Variants in ZNF236 observed in about 807,000 individuals in gnomAD.
ZNF236 encodes regulated by glucose.
A neutral mutation model predicts 191.2 loss-of-function variants in ZNF236; 50 were observed. That is an observed-to-expected ratio of 0.26 (90% CI 0.21 to 0.33). The LOEUF is 0.33. ZNF236 is among the 10% of genes least tolerant of loss of function. The probability of loss-of-function intolerance (pLI) is 1.00; values close to 1 mark genes in which losing one functional copy is unlikely to be tolerated. For synonymous variants in ZNF236, 907 were observed against 928.8 expected (o/e 0.98, Z 0.43); for missense variants, 1,754 against 2,374.5 (o/e 0.74, Z 5.43).
rs1176620116 is a variant in ZNF236, at chr18:76,937,463, AT to A, written c.4782+128del. 39 of 942,488 alleles carry A rather than the reference AT, an allele frequency of 4.1e-5. 1 individual carries two copies. The highest frequency in any genetic ancestry group is 3.8e-4 in the South Asian group (13 of 34,158). 58.4% of individuals were successfully genotyped at this position (942,488 alleles called of 1,614,324 possible). A position where few individuals can be genotyped will look rare whatever the true frequency, so the allele number is the denominator to read the frequency against. ...CATTTTTTTTCCCCAAAATCGAAGCATTTTTTTTCTGATTAAAAAATACGGT... is the reference window on the plus strand; with the variant it reads ...CATTTTTTTTCCCCAAAATCGAAGCATTTTTTTCTGATTAAAAAATACGGT... On this transcript the variant is annotated intron_variant, in intron 26 of 30. Coordinates refer to ENST00000320610, the MANE Select transcript of ZNF236 (RefSeq NM_001306089.2).
chr18:76,908,268 A>G, intron 13 of ZNF236, 52 bp from the exon 14 acceptor site: 1 of 1,560,872 alleles, frequency 6.4e-7, no homozygotes, highest in Non-Finnish European at 8.7e-7. Flanking sequence ...ATCCCAGGCA[A>G]GTAACCTTTG....
In ZNF236 at chr18:76,960,988, G is replaced by A; in HGVS notation, c.5419+133G>A. On this transcript the variant is annotated intron_variant, in intron 30 of 30. Transcript: ENST00000320610. The surrounding 1 kb of genome is among the most constrained non-coding windows in gnomAD (Gnocchi z 4.4). ...TGGTACAGCCTCAGTTGTGTGGACT[G>A]GAAGCTTGTGCTTTATTTTATTTTT... 1.0e-6 allele frequency: 1 copy of A among 989,912 alleles called. No individual in the cohort carries two copies. The highest frequency in any genetic ancestry group is 1.6e-5 in the African/African-American group (1 of 61,110). The allele number at this position is 989,912 out of a possible 1,614,324, so 61.3% of individuals were successfully genotyped here.
chr18:76,966,212 T>A (rs1346434634), intron 30 of ZNF236, among the ~76,000 whole-genome samples: 1 of 152,192 alleles, frequency 6.6e-6, no homozygotes, highest in Non-Finnish European at 1.5e-5. Context: ...CTCTGTCCCT[T>A]TGAGTCGGAG....
chr18:76,873,393 C>A (rs889645033), intron 5 of ZNF236, among the ~76,000 whole-genome samples: 1 of 152,226 alleles, frequency 6.6e-6, no homozygotes, highest in Non-Finnish European at 1.5e-5. Flanking sequence ...TGATGCTACT[C>A]CTCCTGCATT....
chr18:76,861,870 T>C (rs190119083), intron 3 of ZNF236, among the ~76,000 whole-genome samples: 156 of 152,274 alleles, frequency 1.0e-3, no homozygotes, highest in Middle Eastern at 3.4e-3. Context: ...ATTTCTTTTT[T>C]CTTTTCTTTT....
At chr18:76,849,772 G>A in intron 2 of ZNF236, 104 bp downstream of exon 2, 1 of 1,061,720 alleles carries the variant, frequency 9.4e-7, no homozygotes, top group South Asian at 2.5e-5. Context: ...TTCCTAAATA[G>A]TAGAACATTT....
chr18:76,888,781 G>A (rs538886462), intron 9 of ZNF236: 1 of 152,394 alleles, frequency 6.6e-6, no homozygotes, highest in Non-Finnish European at 1.5e-5. Context: ...CGATCCCACA[G>A]AAGAACCCAC....
intron 1 of ZNF236, among the ~76,000 whole-genome samples, chr18:76,848,388 A>G (rs765096944): frequency 3.3e-5 from 5 of 152,230 alleles, no homozygotes; most frequent in Admixed American, 6.5e-5. Flanking sequence ...AGCAAAGTAT[A>G]TTACGTATTT....
intron 19 of ZNF236, among the ~76,000 whole-genome samples, chr18:76,918,111 GT>G (rs956864904): frequency 3.9e-5 from 6 of 152,064 alleles, no homozygotes; most frequent in Non-Finnish European, 8.8e-5. Flanking sequence ...TGAGTTGTAA[GT>G]TTTTTTCAGT....
At chr18:76,949,795 A>G (rs1366330895) in intron 27 of ZNF236, among the ~76,000 whole-genome samples, 2 of 151,872 alleles carry the variant, frequency 1.3e-5, no homozygotes, top group Non-Finnish European at 2.9e-5. Context: ...AGTAGCTGGA[A>G]TCACAGGTGT....
Position 76,880,863 on chromosome 18 carries a change from C to T in ZNF236, c.1189-421C>T, listed in dbSNP as rs1976873450. Among the ~76,000 whole-genome samples, 1 of 152,122 alleles carries T rather than the reference C, an allele frequency of 6.6e-6. No homozygotes were observed. The highest frequency in any genetic ancestry group is 2.4e-5 in the African/African-American group (1 of 41,438). On this transcript the variant is annotated intron_variant, in intron 8 of 30. Transcript: ENST00000320610. This position sits in a 1 kb window ranked among gnomAD's most constrained non-coding sequence, Gnocchi z 5.0. Reference sequence around the variant, plus strand: ...TTACTTGTTTAACCTTCCTCCTGTACCTTCATGGGGAAGAGCTGGCCAGGG... The same window carrying T: ...TTACTTGTTTAACCTTCCTCCTGTATCTTCATGGGGAAGAGCTGGCCAGGG...
intron 28 of ZNF236, among the ~76,000 whole-genome samples, chr18:76,959,224 G>A (rs1054815340): frequency 1.5e-4 from 23 of 152,176 alleles, no homozygotes; most frequent in South Asian, 2.1e-4. Context: ...CACTGAACGG[G>A]TCCCAGCTGG....
At chr18:76,939,332 CA>C (rs2122886114) in intron 26 of ZNF236, among the ~76,000 whole-genome samples, 1 of 152,166 alleles carries the variant, frequency 6.6e-6, no homozygotes, top group East Asian at 1.9e-4. Context: ...GAGTCCATCT[CA>C]AAAACAAAAA....
intron 1 of ZNF236, among the ~76,000 whole-genome samples, chr18:76,842,366 C>G (rs977404050): frequency 3.3e-5 from 5 of 151,594 alleles, no homozygotes; most frequent in African/African-American, 1.2e-4. Context: ...TACTTTTTTT[C>G]TGTGGTTTTA....
At chr18:76,945,358 A>G (rs1968233390) in intron 26 of ZNF236, among the ~76,000 whole-genome samples, 1 of 152,242 alleles carries the variant, frequency 6.6e-6, no homozygotes, top group Non-Finnish European at 1.5e-5. Context: ...CAAATTGGGT[A>G]GTCTGATAAG....
At chr18:76,857,343 C>G (rs2122544765) in intron 3 of ZNF236, among the ~76,000 whole-genome samples, 1 of 152,210 alleles carries the variant, frequency 6.6e-6, no homozygotes, top group African/African-American at 2.4e-5. Context: ...CCACATTTCT[C>G]AAGCCAGCCC....
chr18:76,836,074 A>AT (rs1975316017), intron 1 of ZNF236, among the ~76,000 whole-genome samples: 2 of 151,744 alleles, frequency 1.3e-5, no homozygotes, highest in African/African-American at 4.8e-5. Context: ...CACCCAGCTA[A>AT]TTTTTGTATT....
intron 9 of ZNF236, among the ~76,000 whole-genome samples, chr18:76,890,519 C>T (rs954299777): frequency 6.6e-6 from 1 of 152,182 alleles, no homozygotes; most frequent in African/African-American, 2.4e-5. Flanking sequence ...GTTATACTTT[C>T]ATGTAGTCAT....
At chr18:76,912,095 C>G in intron 16 of ZNF236, 149 bp from the exon 17 acceptor site, 2 of 596,928 alleles carry the variant, frequency 3.4e-6, no homozygotes, top group South Asian at 4.5e-5. Context: ...TTGCTCTGGC[C>G]TAAATGATTA....
Sources: gnomAD v4.1 joint callset for allele counts (sites outside exome capture counted in the v4.1 genomes callset) on GRCh38, gnomAD v4.1.1 for gene constraint, Gnocchi (gnomAD v3.1) non-coding constraint, MANE v1.5 for transcripts, NCBI Gene and HGNC (gene_info 2026-07-23, HGNC 2026-07-21) for gene names.